Variants in NEBL observed in about 807,000 individuals in gnomAD.
NEBL encodes the protein nebulette.
A neutral mutation model predicts 140.2 loss-of-function variants in NEBL; 122 were observed. The ratio of observed to expected loss-of-function variants is 0.87; its 90% CI spans 0.75 to 1.01. NEBL has a LOEUF of 1.01. Among genes scored for constraint, NEBL ranks in the 50% least tolerant of loss-of-function variants. NEBL has a pLI of 0.00. For synonymous variants in NEBL, 436 were observed against 398.9 expected (o/e 1.09, Z -1.11); for missense variants, 1,365 against 1,231.3 (o/e 1.11, Z -1.62).
intron 26 of NEBL, chr10:20,793,405 C>T: frequency 1.1e-6 from 1 of 950,708 alleles, no homozygotes; most frequent in Non-Finnish European, 1.3e-6. Flanking sequence ...AGATTAAGGA[C>T]TGAGGACAGA....
chr10:21,193,429 C>T (rs899050695), intron 3 of NEBL, among the ~76,000 whole-genome samples: 1 of 152,134 alleles, frequency 6.6e-6, no homozygotes, highest in Non-Finnish European at 1.5e-5. Context: ...AACCCATCCC[C>T]ACTGAAATCA....
At position 20,855,525 on chromosome 10, in the gene NEBL, C is replaced by CA. The variant is rs71390796; in HGVS notation, c.903+2714dup. On this transcript the variant is annotated intron_variant, in intron 9 of 27. Transcript: ENST00000377122. The stretch of plus-strand genomic sequence containing the variant: ...TCCTATTTAAGAAAACAAAACAAAA[C>CA]AAAAAAAAAACGAAGGAAAACTTAA... 4.0e-3 allele frequency among the ~76,000 whole-genome samples: 547 copies of CA among 137,090 alleles called. 3 individuals carry two copies. Among genetic ancestry groups the CA allele is most frequent in the African/African-American group, 9.4e-3 (359 of 38,356 alleles). 89.9% of individuals were successfully genotyped at this position (137,090 alleles called of 152,430 possible). A position where few individuals can be genotyped will look rare whatever the true frequency, so the allele number is the denominator to read the frequency against.
At chr10:21,243,715 G>A (rs1018206660) in intron 3 of NEBL, among the ~76,000 whole-genome samples, 2 of 152,168 alleles carry the variant, frequency 1.3e-5, no homozygotes, top group Non-Finnish European at 2.9e-5. Context: ...GAGGTAGGGG[G>A]ATTGAACATT....
intron 3 of NEBL, among the ~76,000 whole-genome samples, chr10:21,193,872 A>G (rs1284041568): frequency 6.6e-6 from 1 of 152,236 alleles, no homozygotes; most frequent in Admixed American, 6.5e-5. Flanking sequence ...ATCTTTTCAC[A>G]TGCATATTAT....
At chr10:21,178,794 A>T (rs553194515), upstream of NEBL, among the ~76,000 whole-genome samples, 1 of 152,360 alleles carries the variant, frequency 6.6e-6, no homozygotes, top group Non-Finnish European at 1.5e-5. Flanking sequence ...CATAATTGCA[A>T]GTGTGAGCTA....
At chr10:21,044,570 AAAG>A (rs1834427558) in intron 2 of NEBL, among the ~76,000 whole-genome samples, 1 of 152,120 alleles carries the variant, frequency 6.6e-6, no homozygotes, top group Non-Finnish European at 1.5e-5. Context: ...GGGGTGCTTA[AAAG>A]AAGAGAAAAT....
At chr10:21,217,405 C>T (rs537131023) in intron 3 of NEBL, among the ~76,000 whole-genome samples, 10 of 152,266 alleles carry the variant, frequency 6.6e-5, no homozygotes, top group South Asian at 4.1e-4. Context: ...TGGTTTGTTT[C>T]GGAGTGGGGA....
At chr10:20,923,855 T>C (rs879654419) in intron 4 of NEBL, among the ~76,000 whole-genome samples, 4 of 151,928 alleles carry the variant, frequency 2.6e-5, no homozygotes, top group Middle Eastern at 3.4e-3. Flanking sequence ...GCTCCTCATA[T>C]CTAGGAACCC....
intron 3 of NEBL, among the ~76,000 whole-genome samples, chr10:21,204,377 G>C (rs1328777169): frequency 6.6e-6 from 1 of 152,186 alleles, no homozygotes; most frequent in African/African-American, 2.4e-5. Context: ...GTGAGTCCCT[G>C]ATCCGATAGG....
intron 3 of NEBL, among the ~76,000 whole-genome samples, chr10:21,006,237 C>T (rs1838134171): frequency 6.6e-6 from 1 of 152,194 alleles, no homozygotes; most frequent in Non-Finnish European, 1.5e-5. Flanking sequence ...ACGGTGCTGT[C>T]ATAGACATCC....
At chr10:21,222,391 T>G (rs1463887330) in intron 3 of NEBL, among the ~76,000 whole-genome samples, 1 of 152,222 alleles carries the variant, frequency 6.6e-6, no homozygotes, top group Non-Finnish European at 1.5e-5. Flanking sequence ...TGCTTTGCTT[T>G]TTTCATTTTT....
intron 3 of NEBL, among the ~76,000 whole-genome samples, chr10:21,200,605 C>T (rs544154493): frequency 7.2e-5 from 11 of 152,234 alleles, no homozygotes; most frequent in African/African-American, 2.2e-4. Context: ...TGAGCCACCG[C>T]GCCCAACCCC....
At chr10:21,193,933 A>G (rs1841613359) in intron 3 of NEBL, among the ~76,000 whole-genome samples, 1 of 152,176 alleles carries the variant, frequency 6.6e-6, no homozygotes, top group Non-Finnish European at 1.5e-5. Flanking sequence ...TATTTCTCCC[A>G]TTGAAGAATG....
intron 2 of NEBL, 139 bp downstream of exon 2, chr10:20,896,819 G>A (rs1187735835): frequency 1.2e-6 from 1 of 818,712 alleles, no homozygotes; most frequent in African/African-American, 1.7e-5. Flanking sequence ...GAAAATTTCA[G>A]GACTTTGTTC....
chr10:20,919,090 T>C (rs950508020), intron 4 of NEBL, among the ~76,000 whole-genome samples: 1 of 152,106 alleles, frequency 6.6e-6, no homozygotes, highest in Non-Finnish European at 1.5e-5. Context: ...AATATGATAA[T>C]TAAAAATAAG....
At chr10:20,790,494 G>A (rs1258081298) in intron 26 of NEBL, among the ~76,000 whole-genome samples, 3 of 151,276 alleles carry the variant, frequency 2.0e-5, no homozygotes, top group Non-Finnish European at 2.9e-5. Flanking sequence ...CCAGCTACTC[G>A]GGAGGCTGAG....
intron 3 of NEBL, among the ~76,000 whole-genome samples, chr10:21,193,546 T>A (rs1165187959): frequency 6.6e-6 from 1 of 152,170 alleles, no homozygotes; most frequent in African/African-American, 2.4e-5. Flanking sequence ...CAGAGCTCCT[T>A]CCAACCAGAT....
At chr10:20,914,904 C>T (rs1202470767) in intron 4 of NEBL, among the ~76,000 whole-genome samples, 1 of 151,312 alleles carries the variant, frequency 6.6e-6, no homozygotes, top group Non-Finnish European at 1.5e-5. Context: ...GTCACCCAGG[C>T]CGGAATGCAG....
intron 2 of NEBL, among the ~76,000 whole-genome samples, chr10:21,078,853 C>T (rs933590067): frequency 6.6e-6 from 1 of 152,186 alleles, no homozygotes; most frequent in African/African-American, 2.4e-5. Flanking sequence ...TGCTTATTAG[C>T]TGGCTGCCAC....
Sources: gnomAD v4.1 joint callset for allele counts (sites outside exome capture counted in the v4.1 genomes callset) on GRCh38, gnomAD v4.1.1 for gene constraint, MANE v1.5 for transcripts, NCBI Gene and HGNC (gene_info 2026-07-23, HGNC 2026-07-21) for gene names.